Variants in VIPR2 observed in about 807,000 individuals in gnomAD.
The protein encoded by VIPR2 is vasoactive intestinal peptide receptor 2.
A neutral mutation model predicts 58.0 loss-of-function variants in VIPR2; 48 were observed. The ratio of observed to expected loss-of-function variants is 0.83; its 90% CI spans 0.66 to 1.05. VIPR2 has a LOEUF of 1.05. Ranked by LOEUF, VIPR2 falls within the 50% of genes least tolerant of loss-of-function variation. VIPR2 has a pLI of 0.00. For missense variants in VIPR2, 534 were observed against 558.0 expected, an observed-to-expected ratio of 0.96 and a Z score of 0.43; for synonymous variants, 243 against 235.2, an observed-to-expected ratio of 1.03 and a Z score of -0.30.
rs1208819511 is a variant in VIPR2, at chr7:159,128,788, G to A, written c.151+13658C>T. 6.6e-6 allele frequency among the ~76,000 whole-genome samples: 1 copy of A among 152,168 alleles called. No individual in the cohort carries two copies. Among genetic ancestry groups the A allele is most frequent in the Non-Finnish European group, 1.5e-5 (1 of 68,034 alleles). ...CTCACATGCGAACCCCACTTCTCAG[G>A]AGCCTTCAGTGGTCTCAGCTCTGCA... is the stretch of plus-strand genomic sequence containing the variant. On this transcript the variant is annotated intron_variant, in intron 2 of 12. Coordinates refer to ENST00000262178, the MANE Select transcript of VIPR2 (RefSeq NM_003382.5). The surrounding 1 kb of genome is among the most constrained non-coding windows in gnomAD (Gnocchi z 4.1).
Position 159,032,086 on chromosome 7 carries a change from G to A in VIPR2, c.972-19C>T. Reference sequence around the variant, plus strand: ...CAGCCTCCTGCACAGAAGGAGATGAGCCAGCTCAGCTGCTGGACCCTCGGA... The same window carrying A: ...CAGCCTCCTGCACAGAAGGAGATGAACCAGCTCAGCTGCTGGACCCTCGGA... On this transcript the variant is annotated intron_variant, in intron 10 of 12. Transcript: ENST00000262178. The A allele has an allele frequency of 6.2e-7, 1 of 1,613,690 alleles. No individual in the cohort carries two copies. Among genetic ancestry groups the A allele is most frequent in the Non-Finnish European group, 8.5e-7 (1 of 1,179,980 alleles).
At chr7:159,080,701 T>C (rs899925024) in intron 4 of VIPR2, among the ~76,000 whole-genome samples, 92 of 152,302 alleles carry the variant, frequency 6.0e-4, no homozygotes, top group Middle Eastern at 3.4e-3. Context: ...ATGACATGAT[T>C]GTATATCTAG....
intron 2 of VIPR2, 66 bp downstream of exon 2, chr7:159,142,380 C>G: frequency 1.6e-6 from 2 of 1,234,872 alleles, no homozygotes; most frequent in Non-Finnish European, 2.4e-6. Context: ...TGAACCACAG[C>G]TGAGTGAGGC....
intron 4 of VIPR2, among the ~76,000 whole-genome samples, chr7:159,073,911 G>C (rs1479955092): frequency 6.6e-6 from 1 of 152,124 alleles, no homozygotes. Flanking sequence ...ACAGGCATGA[G>C]TGCACAGACA....
intron 2 of VIPR2, among the ~76,000 whole-genome samples, chr7:159,140,469 G>A (rs1281531385): frequency 1.3e-5 from 2 of 152,228 alleles, no homozygotes; most frequent in African/African-American, 4.8e-5. Context: ...TGGCCAGGCT[G>A]AGGCCCCGGC....
intron 4 of VIPR2, among the ~76,000 whole-genome samples, chr7:159,088,488 C>T (rs573197534): frequency 2.0e-5 from 3 of 151,614 alleles, no homozygotes; most frequent in South Asian, 2.1e-4. Flanking sequence ...GCAGCACACC[C>T]GTATACCACA....
intron 4 of VIPR2, among the ~76,000 whole-genome samples, chr7:159,102,393 G>A (rs1047894896): frequency 2.0e-5 from 3 of 152,174 alleles, no homozygotes; most frequent in Non-Finnish European, 4.4e-5. Context: ...TCAGCCACAC[G>A]GAACTGTGAG....
At chr7:159,102,677 T>A (rs1052182861) in intron 4 of VIPR2, among the ~76,000 whole-genome samples, 20 of 152,134 alleles carry the variant, frequency 1.3e-4, no homozygotes, top group African/African-American at 4.1e-4. Context: ...ATTGCCACCA[T>A]CCCCTGGGGG....
intron 4 of VIPR2, among the ~76,000 whole-genome samples, chr7:159,063,353 C>T (rs1341194700): frequency 1.3e-5 from 2 of 152,088 alleles, no homozygotes; most frequent in South Asian, 2.1e-4. Flanking sequence ...TGGGGGAACC[C>T]GGTGCACCCT....
chr7:159,038,729 A>G (rs1854130030), intron 6 of VIPR2, among the ~76,000 whole-genome samples: 1 of 152,218 alleles, frequency 6.6e-6, no homozygotes, highest in African/African-American at 2.4e-5. Flanking sequence ...CAATCTCAGA[A>G]TAGAAACCTC....
intron 10 of VIPR2, among the ~76,000 whole-genome samples, chr7:159,032,985 G>A (rs1853684436): frequency 6.6e-6 from 1 of 151,810 alleles, no homozygotes; most frequent in Admixed American, 6.6e-5. Context: ...CCCATCCCTC[G>A]TGTGGGCAAG....
intron 8 of VIPR2, 81 bp from the exon 9 acceptor site, chr7:159,034,731 C>G: frequency 8.8e-7 from 1 of 1,140,082 alleles, no homozygotes; most frequent in Non-Finnish European, 1.3e-6. Flanking sequence ...CCTGCCCCTC[C>G]CAACTTGCCC....
In VIPR2 at chr7:159,034,444, CT is replaced by C. The variant is rs1853793733; in HGVS notation, c.879+136del. The C allele has an allele frequency of 1.4e-4, 174 of 1,265,322 alleles. 2 individuals are homozygous for C. In the South Asian group the frequency reaches 2.2e-3, roughly 16 times the overall value. The allele number at this position is 1,265,322 out of a possible 1,614,324, so 78.4% of individuals were successfully genotyped here. A position where few individuals can be genotyped will look rare whatever the true frequency, so the allele number is the denominator to read the frequency against. The stretch of plus-strand genomic sequence containing the variant: ...GAACTGCCTCTGGGGGTCCACATGC[CT>C]GAAGAGGTCCTTTTCCGGGAAGGCT... On this transcript the variant is annotated intron_variant, in intron 9 of 12. Transcript: ENST00000262178.
chr7:159,039,589 G>A (rs1854189365), intron 6 of VIPR2, among the ~76,000 whole-genome samples: 1 of 45,570 alleles, frequency 2.2e-5, no homozygotes, highest in Non-Finnish European at 5.0e-5. Flanking sequence ...CGCTGTGGGA[G>A]GGTGTTAGTG....
At chr7:159,077,279 G>A (rs139241713) in intron 4 of VIPR2, among the ~76,000 whole-genome samples, 1,108 of 149,110 alleles carry the variant, frequency 7.4e-3, no homozygotes, top group African/African-American at 0.026. Context: ...CAATGTCTTT[G>A]AGGTACTACA....
chr7:159,073,809 A>AG (rs1856516561), intron 4 of VIPR2, among the ~76,000 whole-genome samples: 1 of 152,192 alleles, frequency 6.6e-6, no homozygotes, highest in African/African-American at 2.4e-5. Context: ...GGGGAGCCCC[A>AG]GGGCAGAACT....
Position 159,031,884 on chromosome 7 carries a change from G to A in VIPR2, c.1102-15C>T, listed in dbSNP as rs201840187. 6.2e-7 allele frequency: 1 copy of A among 1,614,126 alleles called. No individual in the cohort carries two copies. Among genetic ancestry groups the A allele is most frequent in the Non-Finnish European group, 8.5e-7 (1 of 1,180,036 alleles). ...ACCACCAGGCCCTGCAATGAGAAGA[G>A]ATGGTCAGGCAGGACCCGCGCTCGG... On this transcript the variant is annotated splice_polypyrimidine_tract_variant and intron_variant, in intron 11 of 12. Coordinates refer to ENST00000262178, the MANE Select transcript of VIPR2 (RefSeq NM_003382.5). The surrounding 1 kb of genome is among the most constrained non-coding windows in gnomAD (Gnocchi z 4.0).
intron 4 of VIPR2, among the ~76,000 whole-genome samples, chr7:159,076,355 G>C (rs897938807): frequency 7.2e-5 from 11 of 152,222 alleles, no homozygotes; most frequent in Non-Finnish European, 1.3e-4. Context: ...TTCAGAGACA[G>C]TGAAATGCCT....
intron 4 of VIPR2, among the ~76,000 whole-genome samples, chr7:159,102,752 C>T (rs374275966): frequency 2.0e-5 from 3 of 152,146 alleles, no homozygotes; most frequent in African/African-American, 4.8e-5. Flanking sequence ...AGGAGGTGAT[C>T]GGCCCACAAG....
Sources: allele counts gnomAD v4.1 joint callset (sites outside exome capture counted in the v4.1 genomes callset), GRCh38; gene constraint gnomAD v4.1.1; non-coding constraint Gnocchi (gnomAD v3.1); transcripts MANE v1.5; gene names NCBI Gene and HGNC (gene_info 2026-07-23, HGNC 2026-07-21).